The following CFAP299 variants were observed in gnomAD, a reference collection of about 807,000 sequenced individuals.
The protein encoded by CFAP299 is cilia and flagella associated protein 299.
A neutral mutation model predicts 27.0 loss-of-function variants in CFAP299; 21 were observed. That is an observed-to-expected ratio of 0.78 (90% CI 0.55 to 1.12). The LOEUF (loss-of-function observed/expected upper bound fraction) is 1.12, where lower values mean the gene tolerates loss of function less well. Among genes scored for constraint, CFAP299 ranks in the 50% most tolerant of loss-of-function variants. The pLI is 0.00. For missense variants in CFAP299, 310 were observed against 276.6 expected (o/e 1.12, Z -0.86); for synonymous variants, 104 against 98.1 (o/e 1.06, Z -0.36).
At chr4:80,757,017 G>A (rs548253122) in intron 3 of CFAP299, among the ~76,000 whole-genome samples, 1 of 151,892 alleles carries the variant, frequency 6.6e-6, no homozygotes, top group Non-Finnish European at 1.5e-5. Context: ...TGAACACCAC[G>A]GTTTGGATTT....
intron 4 of CFAP299, among the ~76,000 whole-genome samples, chr4:80,879,430 T>C (rs1157114218): frequency 6.6e-6 from 1 of 152,150 alleles, no homozygotes; most frequent in Admixed American, 6.6e-5. Context: ...AATTTTTTTT[T>C]AACATTCCAG....
At chr4:80,696,693 A>C (rs1313792406) in intron 3 of CFAP299, among the ~76,000 whole-genome samples, 1 of 152,202 alleles carries the variant, frequency 6.6e-6, no homozygotes, top group Admixed American at 6.5e-5. Context: ...GGCAACATTC[A>C]AAGGATGATT....
chr4:80,577,397 A>ATTTTTTTTTTT (rs34922224), intron 2 of CFAP299, among the ~76,000 whole-genome samples: 3 of 98,852 alleles, frequency 3.0e-5, no homozygotes, highest in African/African-American at 4.1e-5. Flanking sequence ...ATTAGAAAAC[A>ATTTTTTTTTTT]TTTTTTTTTT....
chr4:80,885,556 G>C (rs1733931265), intron 4 of CFAP299, among the ~76,000 whole-genome samples: 1 of 152,154 alleles, frequency 6.6e-6, no homozygotes, highest in African/African-American at 2.4e-5. Flanking sequence ...GAAACAGGCA[G>C]AGTCCTGAGG....
chr4:80,895,903 G>GT (rs1247681016), intron 4 of CFAP299, among the ~76,000 whole-genome samples: 2 of 152,092 alleles, frequency 1.3e-5, no homozygotes, highest in African/African-American at 4.8e-5. Flanking sequence ...GAGGAAGAAG[G>GT]TTTTTTCCCG....
chr4:80,751,502 A>G (rs561413850), intron 3 of CFAP299, among the ~76,000 whole-genome samples: 86 of 152,098 alleles, frequency 5.7e-4, no homozygotes, highest in Non-Finnish European at 7.6e-4. Flanking sequence ...CTAATCTTAG[A>G]GCCCCAGCCA....
intron 2 of CFAP299, among the ~76,000 whole-genome samples, chr4:80,423,431 T>G (rs542609082): frequency 1.3e-5 from 2 of 152,334 alleles, no homozygotes; most frequent in East Asian, 3.9e-4. Context: ...CAGCTAAATT[T>G]GTTGCCAAAA....
intron 2 of CFAP299, among the ~76,000 whole-genome samples, chr4:80,397,501 T>C (rs1725868941): frequency 6.6e-6 from 1 of 152,196 alleles, no homozygotes; most frequent in South Asian, 2.1e-4. Context: ...TCTTTCCTGC[T>C]TTCTCTTGTG....
At chr4:80,803,454 C>G (rs964534623) in intron 3 of CFAP299, among the ~76,000 whole-genome samples, 1 of 151,836 alleles carries the variant, frequency 6.6e-6, no homozygotes, top group African/African-American at 2.4e-5. Context: ...AGCTTCACAG[C>G]CTGGATCATA....
intron 3 of CFAP299, among the ~76,000 whole-genome samples, chr4:80,771,417 G>A (rs926497747): frequency 6.6e-6 from 1 of 151,964 alleles, no homozygotes; most frequent in Non-Finnish European, 1.5e-5. Context: ...AATGCTCGAT[G>A]GTAAAATTAA....
intron 2 of CFAP299, among the ~76,000 whole-genome samples, chr4:80,526,578 T>C (rs1360001504): frequency 1.3e-5 from 2 of 152,144 alleles, no homozygotes; most frequent in Non-Finnish European, 2.9e-5. Context: ...ATTTTTTATA[T>C]CTGTACAACC....
At chr4:80,831,218 T>A (rs1730283355) in intron 3 of CFAP299, among the ~76,000 whole-genome samples, 1 of 152,148 alleles carries the variant, frequency 6.6e-6, no homozygotes, top group Admixed American at 6.6e-5. Flanking sequence ...ATGGATATTA[T>A]ATATAAGTTA....
intron 2 of CFAP299, among the ~76,000 whole-genome samples, chr4:80,541,216 C>G (rs901315753): frequency 6.6e-6 from 1 of 152,070 alleles, no homozygotes; most frequent in African/African-American, 2.4e-5. Flanking sequence ...TTTTCCGACT[C>G]CTTAGACATT....
chr4:80,847,623 T>A (rs187424822), intron 3 of CFAP299, among the ~76,000 whole-genome samples: 1 of 152,224 alleles, frequency 6.6e-6, no homozygotes, highest in Non-Finnish European at 1.5e-5. Context: ...CTAGGCCAGG[T>A]ACTTAACCTT....
intron 3 of CFAP299, among the ~76,000 whole-genome samples, chr4:80,800,337 T>TA (rs1460374562): frequency 1.1e-4 from 8 of 71,220 alleles, no homozygotes; most frequent in Non-Finnish European, 1.4e-4. Flanking sequence ...TATTAATATA[T>TA]ATAATATATA....
intron 3 of CFAP299, among the ~76,000 whole-genome samples, chr4:80,693,820 T>C (rs939860525): frequency 3.3e-5 from 5 of 151,880 alleles, no homozygotes; most frequent in Admixed American, 2.0e-4. Flanking sequence ...AATTTGAATA[T>C]TAAAGCAATG....
chr4:80,945,516 G>A (rs993268879), intron 5 of CFAP299, among the ~76,000 whole-genome samples: 3 of 151,994 alleles, frequency 2.0e-5, no homozygotes, highest in African/African-American at 4.8e-5. Context: ...TTTGAATCAT[G>A]ACTTTTTATT....
intron 1 of CFAP299, among the ~76,000 whole-genome samples, chr4:80,347,572 A>G (rs1317550955): frequency 2.6e-5 from 4 of 152,196 alleles, no homozygotes; most frequent in Non-Finnish European, 5.9e-5. Flanking sequence ...TAGAGCTAAC[A>G]AGGAAAGTGA....
At chr4:80,835,736 C>T (rs577220126) in intron 3 of CFAP299, among the ~76,000 whole-genome samples, 130 of 152,234 alleles carry the variant, frequency 8.5e-4, no homozygotes, top group African/African-American at 3.0e-3. Flanking sequence ...TGTGGACCTG[C>T]CAACACCTTC....
Sources: gnomAD v4.1 joint callset for allele counts (sites outside exome capture counted in the v4.1 genomes callset) on GRCh38, gnomAD v4.1.1 for gene constraint, MANE v1.5 for transcripts, NCBI Gene and HGNC (gene_info 2026-07-23, HGNC 2026-07-21) for gene names.